ZNF69: variants seen among roughly 807,000 people sequenced by gnomAD.
The protein encoded by ZNF69 is ZNF3.
ZNF69 carries 47 observed loss-of-function variants against 50.9 expected under a neutral mutation model. The ratio of observed to expected loss-of-function variants is 0.92; its 90% CI spans 0.73 to 1.18. The LOEUF (loss-of-function observed/expected upper bound fraction) is 1.18, where lower values mean the gene tolerates loss of function less well. ZNF69 is among the 50% of genes most tolerant of loss of function. ZNF69 has a pLI of 0.00. For missense variants in ZNF69, 717 were observed against 675.1 expected, an observed-to-expected ratio of 1.06 and a Z score of -0.69; for synonymous variants, 216 against 223.1, an observed-to-expected ratio of 0.97 and a Z score of 0.29.
At chr19:11,963,088 A>AGAGAGAGAGAGAGAGAGAGAGTGT in the ZNF69 span, among the ~76,000 whole-genome samples, 133 of 138,300 alleles carry the variant, frequency 9.6e-4, no homozygotes, top group African/African-American at 3.5e-3. Flanking sequence ...AGAGAGAGAG[A>AGAGAGAGAGAGAGAGAGAGAGTGT]GTGTGTGTGT....
the ZNF69 span, among the ~76,000 whole-genome samples, chr19:11,957,090 A>ACTTTT: frequency 7.2e-6 from 1 of 138,948 alleles, no homozygotes; most frequent in Non-Finnish European, 1.6e-5. Context: ...GTAAGAAATA[A>ACTTTT]GTTTTTTTTT....
At chr19:11,954,866 AT>A in the ZNF69 span, among the ~76,000 whole-genome samples, 3 of 151,956 alleles carry the variant, frequency 2.0e-5, no homozygotes, top group Admixed American at 6.6e-5. Flanking sequence ...GCAGCTTCAG[AT>A]TTTTTTTAAT....
the ZNF69 span, among the ~76,000 whole-genome samples, chr19:11,924,724 T>C: frequency 6.6e-6 from 1 of 152,146 alleles, no homozygotes; most frequent in South Asian, 2.1e-4. Context: ...CAGTCGTGCC[T>C]GGCCTGGTCT....
In ZNF69 at chr19:11,905,934, G is replaced by A. The variant is rs1374795902; in HGVS notation, c.1537G>A (p.Glu513Lys). ...EKLYECKQCGEAFSSSSSFRY... is the reference protein window; with the variant it reads ...EKLYECKQCGKAFSSSSSFRY... The stretch of plus-strand genomic sequence containing the variant: ...ACTCTATGAATGCAAGCAATGTGGT[G>A]AAGCCTTCAGTAGTTCCAGTTCCTT... Residue 513 changes from glutamate (E) to lysine (K), a missense_variant, in exon 4 of 4, where the codon GAA becomes AAA. Glu to Lys is a moderately conservative substitution (Grantham distance 56). Coordinates refer to ENST00000429654, the MANE Select transcript of ZNF69 (RefSeq NM_001364730.1). 1.2e-6 allele frequency: 2 copies of A among 1,609,892 alleles called. No individual in the cohort carries two copies. Among genetic ancestry groups the A allele is most frequent in the East Asian group, 2.2e-5 (1 of 44,510 alleles).
At chr19:11,907,875 G>T (rs1972402743), downstream of ZNF69, among the ~76,000 whole-genome samples, 1 of 152,146 alleles carries the variant, frequency 6.6e-6, no homozygotes, top group South Asian at 2.1e-4. Context: ...GACACAGACT[G>T]GCAAATTGGA....
At chr19:11,958,551 G>A in the ZNF69 span, among the ~76,000 whole-genome samples, 34 of 152,338 alleles carry the variant, frequency 2.2e-4, no homozygotes, top group Admixed American at 2.2e-3. Context: ...GGTCTTTGGT[G>A]GGCATTGAGA....
At chr19:11,963,088 AGTGT>A in the ZNF69 span, among the ~76,000 whole-genome samples, 274 of 137,584 alleles carry the variant, frequency 2.0e-3, 2 homozygotes, top group Middle Eastern at 3.8e-3. Flanking sequence ...AGAGAGAGAG[AGTGT>A]GTGTGTGTGT....
Position 11,905,530 on chromosome 19 carries a change from A to G in ZNF69, c.1133A>G (p.His378Arg). The change falls in exon 4 of 4, where the codon CAT becomes CGT. Residue 378 changes from histidine to arginine, a missense_variant. By Grantham distance (29) the His-to-Arg change is conservative. Transcript: ENST00000429654. The stretch of plus-strand genomic sequence containing the variant: ...TGTTCTGCCAATTCATTTCAAAGAC[A>G]TGAAAAAACTCACAGTGGAGAGAAA... ...GFCSANSFQR[H>R]EKTHSGEKPY... The G allele has an allele frequency of 1.2e-6, 2 of 1,614,070 alleles. No homozygotes were observed. The highest frequency in any genetic ancestry group is 2.2e-5 in the East Asian group (1 of 44,866).
intron 1 of ZNF69, among the ~76,000 whole-genome samples, chr19:11,892,135 A>AT (rs4071659): frequency 0.097 from 11,058 of 113,662 alleles, 646 homozygotes; most frequent in African/African-American, 0.14. Context: ...CTCCTGGCTG[A>AT]TTTTTTTTTT....
intron 1 of ZNF69, among the ~76,000 whole-genome samples, chr19:11,892,339 A>G (rs564699878): frequency 6.6e-6 from 1 of 151,998 alleles, no homozygotes; most frequent in East Asian, 1.9e-4. Context: ...TTTTCTTTCT[A>G]GCTGTTTTTT....
chr19:11,976,906 G>A, the ZNF69 span: 4 of 1,530,624 alleles, frequency 2.6e-6, no homozygotes, highest in Middle Eastern at 2.3e-4. Flanking sequence ...AGTACAGAAA[G>A]CGAGAAAGGG....
At chr19:11,922,566 G>GC in the ZNF69 span, among the ~76,000 whole-genome samples, 5 of 152,286 alleles carry the variant, frequency 3.3e-5, no homozygotes, top group South Asian at 6.2e-4. Flanking sequence ...TGAAGGTTCT[G>GC]CAGCTTGGTT....
At chr19:11,931,245 C>G in the ZNF69 span, among the ~76,000 whole-genome samples, 1 of 147,966 alleles carries the variant, frequency 6.8e-6, no homozygotes, top group Admixed American at 6.6e-5. Context: ...TGAAGTCCAT[C>G]TTCAGAGAGC....
Position 11,906,417 on chromosome 19 carries a change from C to T in ZNF69, c.*319C>T, listed in dbSNP as rs765972305. The T allele has an allele frequency of 1.3e-5, 5 of 386,268 alleles. No homozygotes were observed. The highest frequency in any genetic ancestry group is 2.0e-5 in the Non-Finnish European group (5 of 246,758). 23.9% of individuals were successfully genotyped at this position (386,268 alleles called of 1,614,324 possible). On this transcript the variant is annotated 3_prime_UTR_variant, in exon 4 of 4. Coordinates refer to ENST00000429654, the MANE Select transcript of ZNF69 (RefSeq NM_001364730.1). ...ATCTCCAAGTAGCCTAACTGGGAGG[C>T]ACTTCCCAGTAGGGGCCAACTGACA...
At chr19:11,941,040 G>A in the ZNF69 span, among the ~76,000 whole-genome samples, 2 of 150,032 alleles carry the variant, frequency 1.3e-5, no homozygotes, top group Non-Finnish European at 3.0e-5. Flanking sequence ...GTTCTCCAAG[G>A]CCTCACCAGA....
At chr19:11,940,366 G>A in the ZNF69 span, among the ~76,000 whole-genome samples, 1 of 152,162 alleles carries the variant, frequency 6.6e-6, no homozygotes, top group South Asian at 2.1e-4. Flanking sequence ...TGGCGTGTCT[G>A]GAGTTTGTTC....
downstream of ZNF69, among the ~76,000 whole-genome samples, chr19:11,917,332 C>A (rs946028199): frequency 6.6e-6 from 1 of 152,168 alleles, no homozygotes; most frequent in African/African-American, 2.4e-5. Flanking sequence ...GCATTGAGAC[C>A]CTGGTGGAAG....
chr19:11,908,913 A>G (rs1972417674), downstream of ZNF69, among the ~76,000 whole-genome samples: 1 of 152,202 alleles, frequency 6.6e-6, no homozygotes, highest in African/African-American at 2.4e-5. Flanking sequence ...AACAAAATTG[A>G]TAGACCGCCA....
In ZNF69 at chr19:11,906,175, G is replaced by A. The variant is rs1972371145; in HGVS notation, c.*77G>A. The A allele has an allele frequency of 8.3e-6, 13 of 1,565,072 alleles. No individual in the cohort carries two copies. The highest frequency in any genetic ancestry group is 1.1e-5 in the Non-Finnish European group (13 of 1,162,808). The stretch of plus-strand genomic sequence containing the variant: ...AATCAAGAGAAACCATGAATGTAAA[G>A]AATGTGGGAAACCCTTCAGGTCTGC... On this transcript the variant is annotated 3_prime_UTR_variant, in exon 4 of 4. Coordinates refer to ENST00000429654, the MANE Select transcript of ZNF69 (RefSeq NM_001364730.1).
Sources: gnomAD v4.1 joint callset for allele counts (sites outside exome capture counted in the v4.1 genomes callset) on GRCh38, gnomAD v4.1.1 for gene constraint, MANE v1.5 for transcripts, NCBI Gene and HGNC (gene_info 2026-07-23, HGNC 2026-07-21) for gene names.